Variants in PAGE1 observed in about 807,000 individuals in gnomAD.
The protein encoded by PAGE1 is P antigen family member 1.
In PAGE1, 6 loss-of-function variants were observed where a neutral mutation model predicts 11.5. The ratio of observed to expected loss-of-function variants is 0.52; its 90% CI spans 0.29 to 1.03. The LOEUF is 1.03. Among genes scored for constraint, PAGE1 ranks in the 50% least tolerant of loss-of-function variants. The probability of loss-of-function intolerance (pLI) is 0.09; values close to 1 mark genes in which losing one functional copy is unlikely to be tolerated. For missense variants in PAGE1, 120 were observed against 110.2 expected (o/e 1.09, Z -0.40); for synonymous variants, 42 against 40.2 (o/e 1.05, Z -0.17).
intron 5 of PAGE1, among the ~76,000 whole-genome samples, chrX:49,688,456 T>C (rs1377555620): frequency 9.0e-6 from 1 of 111,042 alleles, no homozygotes; most frequent in Non-Finnish European, 1.9e-5. Flanking sequence ...CATTCAGGTC[T>C]CCACACAGAA....
chrX:49,693,565 T>C (rs1257579932), intron 3 of PAGE1, among the ~76,000 whole-genome samples: 2 of 111,536 alleles, frequency 1.8e-5, no homozygotes, highest in African/African-American at 6.5e-5. Context: ...TGTATGGCAG[T>C]ATCCTGAATT....
intron 3 of PAGE1, among the ~76,000 whole-genome samples, chrX:49,692,620 G>A (rs1315369933): frequency 1.2e-4 from 2 of 16,744 alleles, no homozygotes; most frequent in Non-Finnish European, 2.0e-4. Flanking sequence ...ACTTTAGGAA[G>A]ACAGAAGTTT....
At chrX:49,691,147 C>T (rs781950406) in intron 4 of PAGE1, 102 bp downstream of exon 4, 4 of 870,629 alleles carry the variant, frequency 4.6e-6, no homozygotes, top group Non-Finnish European at 6.4e-6. Context: ...CACTGCACTC[C>T]AGCCTGGGTG....
intron 4 of PAGE1, among the ~76,000 whole-genome samples, chrX:49,689,824 ATGTG>A: frequency 3.4e-5 from 2 of 59,078 alleles, no homozygotes; most frequent in African/African-American, 9.1e-5. Context: ...ACACACATAT[ATGTG>A]TATATATGTG....
intron 5 of PAGE1, among the ~76,000 whole-genome samples, chrX:49,689,179 A>G (rs1255589612): frequency 9.2e-6 from 1 of 108,779 alleles, no homozygotes; most frequent in Non-Finnish European, 1.9e-5. Flanking sequence ...CGTCTCTACT[A>G]AAAATACAAA....
chrX:49,694,134 T>C lies in PAGE1; in HGVS notation c.131A>G (p.Glu44Gly). 3.3e-6 allele frequency: 4 copies of C among 1,194,877 alleles called. No individual in the cohort carries two copies. The highest frequency in any genetic ancestry group is 4.5e-6 in the Non-Finnish European group (4 of 885,589). ...PTQSQDSTPAEEREDEGASAA... is the reference protein window; with the variant it reads ...PTQSQDSTPAGEREDEGASAA... ...AGATGCTCCCTCATCCTCTCTCTCTTCAGCAGGTGTAGAATCCTGACTTTG... is the reference window on the plus strand; with the variant it reads ...AGATGCTCCCTCATCCTCTCTCTCTCCAGCAGGTGTAGAATCCTGACTTTG... Residue 44 changes from glutamate (E) to glycine (G), a missense_variant, in exon 3 of 6, where the codon GAA (glutamate) becomes GGA (glycine). Coordinates refer to ENST00000376150, the MANE Select transcript of PAGE1 (RefSeq NM_003785.4).
rs1055197 is a variant in PAGE1, at chrX:49,691,317, A to T, written c.224T>A (p.Leu75His). 5 of 1,207,989 alleles carry T rather than the reference A, an allele frequency of 4.1e-6. No homozygotes were observed. The highest frequency in any genetic ancestry group is 5.6e-6 in the Non-Finnish European group (5 of 893,326). ...ELVQPKTGCE[L>H]GDGPDTKRVC... is the part of the protein sequence containing the mutation. ...CCTCTTGGTATCAGGACCATCTCCAAGCTCACACCCAGTCTTTGGCTGAAC... is the reference window on the plus strand; with the variant it reads ...CCTCTTGGTATCAGGACCATCTCCATGCTCACACCCAGTCTTTGGCTGAAC... Residue 75 changes from leucine to histidine, a missense_variant, in exon 4 of 6, where the codon CTT becomes CAT. Transcript: ENST00000376150.
At chrX:49,693,748 AT>A (rs1557142471) in intron 3 of PAGE1, among the ~76,000 whole-genome samples, 1 of 111,151 alleles carries the variant, frequency 9.0e-6, no homozygotes, top group African/African-American at 3.3e-5. Context: ...CAGCAAAATC[AT>A]TTACTATTGT....
intron 4 of PAGE1, among the ~76,000 whole-genome samples, chrX:49,690,141 A>ATG (rs781878091): frequency 1.1e-5 from 1 of 87,493 alleles, no homozygotes; most frequent in Non-Finnish European, 2.2e-5. Context: ...ACACATATAT[A>ATG]TGTGTATATA....
intron 1 of PAGE1, 131 bp from the exon 2 acceptor site, chrX:49,694,909 G>C (rs1203652893): frequency 2.4e-6 from 1 of 416,296 alleles, no homozygotes; most frequent in Non-Finnish European, 4.2e-6. Flanking sequence ...AGAGTTAAGT[G>C]CAAGTGTGTA....
intron 3 of PAGE1, among the ~76,000 whole-genome samples, chrX:49,692,040 A>G: frequency 9.0e-6 from 1 of 111,092 alleles, no homozygotes; most frequent in African/African-American, 3.3e-5. Context: ...CCAACTACTC[A>G]GGAGGCTGAG....
chrX:49,688,183 C>T (rs2066890674), intron 5 of PAGE1, among the ~76,000 whole-genome samples: 2 of 112,294 alleles, frequency 1.8e-5, no homozygotes, highest in Middle Eastern at 4.2e-3. Context: ...CATTAAGGGC[C>T]AGAGAATCCC....
At position 49,687,607 on chromosome X, in the gene PAGE1, A is replaced by G. The variant is rs781929395; in HGVS notation, c.419-44T>C. ...TGTTAGGAAGATGATTTAGCAGCAGATTATTTAGATGACCCAAAAGGCACA... is the reference window on the plus strand; with the variant it reads ...TGTTAGGAAGATGATTTAGCAGCAGGTTATTTAGATGACCCAAAAGGCACA... On this transcript the variant is annotated intron_variant, in intron 5 of 5. Coordinates refer to ENST00000376150, the MANE Select transcript of PAGE1 (RefSeq NM_003785.4). 13 of 1,134,891 alleles carry G rather than the reference A, an allele frequency of 1.1e-5. No homozygotes were observed. The African/African-American group carries it at 2.3e-4, about 20-fold the overall frequency. 93.5% of individuals were successfully genotyped at this position (1,134,891 alleles called of 1,213,427 possible). A position where few individuals can be genotyped will look rare whatever the true frequency, so the allele number is the denominator to read the frequency against.
chrX:49,689,708 GTA>G (rs1283677968), intron 4 of PAGE1, among the ~76,000 whole-genome samples, 165 bp from the exon 5 acceptor site: 3 of 41,944 alleles, frequency 7.2e-5, no homozygotes, highest in Non-Finnish European at 8.7e-5. Flanking sequence ...ATATATATGT[GTA>G]TATATGTATA....
At chrX:49,689,740 ATATG>A (rs1557141730) in intron 4 of PAGE1, among the ~76,000 whole-genome samples, 197 bp from the exon 5 acceptor site, 2 of 60,882 alleles carry the variant, frequency 3.3e-5, no homozygotes, top group East Asian at 6.0e-4. Context: ...ATACACACAT[ATATG>A]TATATGTGTA....
At position 49,693,787 on chromosome X, in the gene PAGE1, C is replaced by G. The variant is rs148654009; in HGVS notation, c.166+312G>C. On this transcript the variant is annotated intron_variant, in intron 3 of 5. Transcript: ENST00000376150. ...CAGCAACATAGATGGTAGGAAGACACAAACTTTGGAACAAAACACAAATTT... is the reference window on the plus strand; with the variant it reads ...CAGCAACATAGATGGTAGGAAGACAGAAACTTTGGAACAAAACACAAATTT... Among the ~76,000 whole-genome samples, 468 of 111,119 alleles carry G rather than the reference C, an allele frequency of 4.2e-3. 3 individuals carry two copies. Among genetic ancestry groups the G allele is most frequent in the African/African-American group, 0.015 (447 of 30,630 alleles).
rs782211346 is a variant in PAGE1 at position 49,689,546 on chromosome X, TAAAAAAAAAAAAA to T, written c.293-16_293-4del. The T allele has an allele frequency of 2.5e-5, 7 of 281,670 alleles. No homozygotes were observed. Among genetic ancestry groups the T allele is most frequent in the African/African-American group, 2.9e-4 (2 of 7,007 alleles). The allele number at this position is 281,670 out of a possible 1,213,427, so 23.2% of individuals were successfully genotyped here. A position where few individuals can be genotyped will look rare whatever the true frequency, so the allele number is the denominator to read the frequency against. Reference sequence around the variant, plus strand: ...GCTATCCGCTTCAGGCTCTGGCCCTTAAAAAAAAAAAAAAAAAAAAAAAAAAAAAATATATATA... The same window carrying T: ...GCTATCCGCTTCAGGCTCTGGCCCTTAAAAAAAAAAAAAAAAATATATATA... On this transcript the variant is annotated splice_region_variant and splice_polypyrimidine_tract_variant and intron_variant, in intron 4 of 5. Transcript: ENST00000376150.
intron 1 of PAGE1, among the ~76,000 whole-genome samples, 174 bp downstream of exon 1, chrX:49,695,695 G>T (rs2147148540): frequency 8.9e-6 from 1 of 112,225 alleles, no homozygotes; most frequent in African/African-American, 3.2e-5. Context: ...GCCGATGGCG[G>T]CGTCGCAGCC....
At position 49,691,276 on chromosome X, in the gene PAGE1, C is replaced by T. The variant is rs1557142190; in HGVS notation, c.265G>A (p.Glu89Lys). The change falls in exon 4 of 6, where the codon GAA becomes AAA. Residue 89 changes from glutamate (E) to lysine (K), a missense_variant. Glu to Lys is a moderately conservative substitution (Grantham distance 56). Coordinates refer to ENST00000376150, the MANE Select transcript of PAGE1 (RefSeq NM_003785.4). ...PDTKRVCLRN[E>K]EQMKLPAEGP... ...TCTGCGGGCAGTTTCATCTGCTCTT[C>T]ATTTCGCAGGCACACCCTCTTGGTA... The T allele has an allele frequency of 1.7e-6, 2 of 1,210,870 alleles. No homozygotes were observed. The highest frequency in any genetic ancestry group is 3.0e-5 in the East Asian group (1 of 33,853).
Sources: allele counts gnomAD v4.1 joint callset (sites outside exome capture counted in the v4.1 genomes callset), GRCh38; gene constraint gnomAD v4.1.1; transcripts MANE v1.5; gene names NCBI Gene and HGNC (gene_info 2026-07-23, HGNC 2026-07-21).